The following CDH20 variants were observed in gnomAD, a reference collection of about 807,000 sequenced individuals.
CDH20 encodes the protein cadherin 20.
Under a neutral mutation model 74.2 loss-of-function variants are expected in CDH20, and 29 were observed. That is an observed-to-expected ratio of 0.39 (90% CI 0.29 to 0.53). The LOEUF (loss-of-function observed/expected upper bound fraction) is 0.53. Among genes scored for constraint, CDH20 ranks in the 20% least tolerant of loss-of-function variants. The pLI, the probability that CDH20 is intolerant of heterozygous loss-of-function variation, is 0.69. For missense variants in CDH20, 988 were observed against 1,048.3 expected (o/e 0.94, Z 0.79); for synonymous variants, 469 against 405.4 (o/e 1.16, Z -1.88).
At chr18:61,417,224 G>A (rs1048074635) in intron 1 of CDH20, among the ~76,000 whole-genome samples, 8 of 151,890 alleles carry the variant, frequency 5.3e-5, no homozygotes, top group African/African-American at 1.9e-4. Flanking sequence ...GGTAAAATGA[G>A]GATAAAGAGT....
At position 61,434,706 on chromosome 18, in the gene CDH20, T is replaced by C. The variant is rs1908772105; in HGVS notation, c.-152-55696T>C. 1.3e-5 allele frequency among the ~76,000 whole-genome samples: 2 copies of C among 152,150 alleles called. 1 individual carries two copies. The highest frequency in any genetic ancestry group is 4.1e-4 in the South Asian group (2 of 4,824). Reference sequence around the variant, plus strand: ...CAAGCTCCCTGAGCCAGAACTTTCTTCCTAAGTCTTAATTTGTCATGAAGT... The same window carrying C: ...CAAGCTCCCTGAGCCAGAACTTTCTCCCTAAGTCTTAATTTGTCATGAAGT... On this transcript the variant is annotated intron_variant, in intron 1 of 11. Coordinates refer to ENST00000262717, the MANE Select transcript of CDH20 (RefSeq NM_031891.4).
intron 1 of CDH20, among the ~76,000 whole-genome samples, chr18:61,474,928 T>C (rs957792395): frequency 2.0e-5 from 3 of 152,150 alleles, no homozygotes; most frequent in African/African-American, 7.2e-5. Flanking sequence ...ACAGCATTTA[T>C]AGTTTATCAG....
chr18:61,429,622 G>C (rs1308859751), intron 1 of CDH20, among the ~76,000 whole-genome samples: 1 of 152,132 alleles, frequency 6.6e-6, no homozygotes, highest in Non-Finnish European at 1.5e-5. Flanking sequence ...ACCACCTGGA[G>C]GAAGTCCAGA....
At position 61,507,419 on chromosome 18, in the gene CDH20, T is replaced by C; in HGVS notation, c.876T>C (p.Thr292=). The change falls in exon 6 of 12, where the codon ACT becomes ACC. Residue 292 remains threonine (T), a synonymous_variant. Coordinates refer to ENST00000262717, the MANE Select transcript of CDH20 (RefSeq NM_031891.4). The part of the protein sequence containing the change: ...SVLESAPISS[T]VGRVFAKDLD... ...TGGAATCAGCTCCAATTAGCTCCAC[T>C]GTCGGGAGAGTGTTTGCCAAGGACT... 1 of 1,614,124 alleles carries C rather than the reference T, an allele frequency of 6.2e-7. No individual in the cohort carries two copies.
In CDH20 at chr18:61,554,270, A is replaced by T. The variant is rs1187478696; in HGVS notation, c.1981A>T (p.Asn661Tyr). 1 of 1,613,920 alleles carries T rather than the reference A, an allele frequency of 6.2e-7. No individual in the cohort carries two copies. ...IIDDEENIHE[N>Y]IVRYDDEGGG... is the part of the protein sequence containing the mutation. ...CGACGACGAGGAAAACATCCACGAG[A>T]ACATCGTCCGCTACGACGACGAGGG... The change falls in exon 12 of 12, where the codon AAC becomes TAC. Residue 661 changes from asparagine (N) to tyrosine (Y), a missense_variant. Asn to Tyr is a moderately radical substitution (Grantham distance 143, BLOSUM62 -2). Coordinates refer to ENST00000262717, the MANE Select transcript of CDH20 (RefSeq NM_031891.4).
rs145781325 is a variant in CDH20, at chr18:61,363,196, A to G, written c.-153+29369A>G. ...GTTTACCGTCTAGCTTGGATGATAA[A>G]AAATAACATACTTAAAGCATCTCAG... is the stretch of plus-strand genomic sequence containing the variant. On this transcript the variant is annotated intron_variant, in intron 1 of 11. Transcript: ENST00000262717. Among the ~76,000 whole-genome samples, 13 of 152,292 alleles carry G rather than the reference A, an allele frequency of 8.5e-5. No homozygotes were observed. In the East Asian group the frequency reaches 2.3e-3, roughly 27 times the overall value.
chr18:61,552,409 A>C (rs1599165383), intron 11 of CDH20, among the ~76,000 whole-genome samples: 1 of 152,286 alleles, frequency 6.6e-6, no homozygotes, highest in East Asian at 1.9e-4. Context: ...TTAAAAAAAA[A>C]AAGACATGTA....
In CDH20 at chr18:61,492,537, G is replaced by A. The variant is rs144998111; in HGVS notation, c.246+1738G>A. Among the ~76,000 whole-genome samples the A allele has an allele frequency of 5.5e-3, 834 of 152,256 alleles. 2 individuals are homozygous for A. The highest frequency in any genetic ancestry group is 9.2e-3 in the Admixed American group (141 of 15,288). On this transcript the variant is annotated intron_variant, in intron 2 of 11. Coordinates refer to ENST00000262717, the MANE Select transcript of CDH20 (RefSeq NM_031891.4). The stretch of plus-strand genomic sequence containing the variant: ...ACAGCTAACAAGACCATCCCTTTCT[G>A]GATCAGCCTGCCTCCTGGCATCCAC...
At position 61,554,925 on chromosome 18, in the gene CDH20, C is replaced by A; in HGVS notation, c.*230C>A. ...ATCTTTAATTACCTTTTTTTCTTTTCTTTTTGATTTTTCTGACACTGTGTG... is the reference window on the plus strand; with the variant it reads ...ATCTTTAATTACCTTTTTTTCTTTTATTTTTGATTTTTCTGACACTGTGTG... On this transcript the variant is annotated 3_prime_UTR_variant, in exon 12 of 12. Transcript: ENST00000262717. The A allele has an allele frequency of 3.7e-6, 5 of 1,369,638 alleles. No individual in the cohort carries two copies. The highest frequency in any genetic ancestry group is 4.7e-6 in the Non-Finnish European group (5 of 1,063,302). 84.8% of individuals were successfully genotyped at this position (1,369,638 alleles called of 1,614,324 possible).
chr18:61,420,572 T>A (rs1912840511), intron 1 of CDH20, among the ~76,000 whole-genome samples: 1 of 152,214 alleles, frequency 6.6e-6, no homozygotes, highest in South Asian at 2.1e-4. Flanking sequence ...ATTTCCTGAT[T>A]TGTTTATTCT....
chr18:61,524,885 C>T lies in CDH20; in HGVS notation c.1018-3082C>T, dbSNP rs1361593798. ...GCAGTGAGCCCAGATTATGCCGCTG[C>T]ACTCCAGCCTGGGTAACAGAGTGAG... On this transcript the variant is annotated intron_variant, in intron 6 of 11. Transcript: ENST00000262717. 2.0e-5 allele frequency among the ~76,000 whole-genome samples: 3 copies of T among 152,138 alleles called. No individual in the cohort carries two copies. In the East Asian group the frequency reaches 5.8e-4, roughly 29 times the overall value.
chr18:61,535,936 A>G (rs1387576369), intron 7 of CDH20, among the ~76,000 whole-genome samples: 1 of 152,200 alleles, frequency 6.6e-6, no homozygotes, highest in Non-Finnish European at 1.5e-5. Flanking sequence ...ACCACAGTTA[A>G]GGACTCTCCA....
intron 1 of CDH20, among the ~76,000 whole-genome samples, chr18:61,449,251 T>A (rs1297829281): frequency 1.3e-5 from 2 of 152,162 alleles, no homozygotes; most frequent in Non-Finnish European, 2.9e-5. Flanking sequence ...GCAGCCTTCC[T>A]GATAAGTAGA....
chr18:61,528,013 G>C lies in CDH20; in HGVS notation c.1064G>C (p.Gly355Ala), dbSNP rs1912493686. 3.7e-6 allele frequency: 6 copies of C among 1,613,842 alleles called. No individual in the cohort carries two copies. Among genetic ancestry groups the C allele is most frequent in the Non-Finnish European group, 5.1e-6 (6 of 1,179,876 alleles). Residue 355 changes from glycine (G) to alanine (A), a missense_variant, in exon 7 of 12, where the codon GGA becomes GCA. This residue lies in a region of CDH20 where 613 missense variants were observed against 755.2 expected (regional missense o/e 0.81). Coordinates refer to ENST00000262717, the MANE Select transcript of CDH20 (RefSeq NM_031891.4). The stretch of plus-strand genomic sequence containing the variant: ...AAAAGCTACACCTTAAAGGTGGAGG[G>C]AGCCAATCCTCACCTAGAGATGCGT... ...SKKSYTLKVE[G>A]ANPHLEMRFL...
chr18:61,433,582 GC>G (rs1355268298), intron 1 of CDH20, among the ~76,000 whole-genome samples: 4 of 152,086 alleles, frequency 2.6e-5, no homozygotes, highest in African/African-American at 9.7e-5. Flanking sequence ...GGATACCCTT[GC>G]TTTCATAAAC....
chr18:61,529,511 G>A lies in CDH20; in HGVS notation c.1271+1291G>A, dbSNP rs1319396620. On this transcript the variant is annotated intron_variant, in intron 7 of 11. Coordinates refer to ENST00000262717, the MANE Select transcript of CDH20 (RefSeq NM_031891.4). Reference sequence around the variant, plus strand: ...TTTGATTTTTTCAAAGGCAACTAATGTATTATATAACAACTTTATAGATGT... The same window carrying A: ...TTTGATTTTTTCAAAGGCAACTAATATATTATATAACAACTTTATAGATGT... 2.6e-5 allele frequency among the ~76,000 whole-genome samples: 4 copies of A among 152,122 alleles called. No homozygotes were observed. The East Asian group carries it at 5.8e-4, about 22-fold the overall frequency.
At chr18:61,516,059 A>G (rs1911992466) in intron 6 of CDH20, among the ~76,000 whole-genome samples, 1 of 152,370 alleles carries the variant, frequency 6.6e-6, no homozygotes, top group South Asian at 2.1e-4. Flanking sequence ...GGCAGTAACA[A>G]CTACTGCTTA....
chr18:61,527,686 G>T (rs1018132825), intron 6 of CDH20, among the ~76,000 whole-genome samples: 1 of 152,084 alleles, frequency 6.6e-6, no homozygotes, highest in African/African-American at 2.4e-5. Flanking sequence ...AGCCAAGTTT[G>T]CCCAGAATAA....
chr18:61,369,760 T>C (rs1225070408), intron 1 of CDH20, among the ~76,000 whole-genome samples: 3 of 152,092 alleles, frequency 2.0e-5, no homozygotes, highest in African/African-American at 4.8e-5. Context: ...TTGTCCTTTG[T>C]AGGAACATGG....
Sources: gnomAD v4.1 joint callset for allele counts (sites outside exome capture counted in the v4.1 genomes callset) on GRCh38, gnomAD v4.1.1 for gene constraint, gnomAD v4.1.1 regional missense constraint, MANE v1.5 for transcripts, NCBI Gene and HGNC (gene_info 2026-07-23, HGNC 2026-07-21) for gene names.